SHISAL2B: variants seen among roughly 807,000 people sequenced by gnomAD.
SHISAL2B encodes the protein shisa like 2B.
A neutral mutation model predicts 16.5 loss-of-function variants in SHISAL2B; 12 were observed. The ratio of observed to expected loss-of-function variants is 0.73; its 90% confidence interval spans 0.47 to 1.18. The LOEUF is 1.18. Among genes scored for constraint, SHISAL2B ranks in the 50% most tolerant of loss-of-function variants. The pLI, the probability that SHISAL2B is intolerant of heterozygous loss-of-function variation, is 0.00. For synonymous variants in SHISAL2B, 72 were observed against 75.0 expected (o/e 0.96, Z 0.21); for missense variants, 183 against 193.6 (o/e 0.95, Z 0.33).
chr5:64,704,579 A>G (rs1053698988), intron 2 of SHISAL2B, among the ~76,000 whole-genome samples: 2 of 152,230 alleles, frequency 1.3e-5, no homozygotes, highest in African/African-American at 2.4e-5. Context: ...GTGATGTCGA[A>G]TCTTGGCAAT....
At chr5:64,695,471 T>A (rs1358035147) in intron 1 of SHISAL2B, 36 bp from the exon 2 acceptor site, 2 of 1,483,316 alleles carry the variant, frequency 1.3e-6, no homozygotes, top group South Asian at 1.3e-5. Flanking sequence ...TGTGAACCAC[T>A]TTGTGTGACA....
At chr5:64,700,811 T>C (rs2112061778) in intron 2 of SHISAL2B, among the ~76,000 whole-genome samples, 1 of 152,220 alleles carries the variant, frequency 6.6e-6, no homozygotes, top group Admixed American at 6.5e-5. Flanking sequence ...GAGGGATGGT[T>C]TTGGGGTGAA....
intron 2 of SHISAL2B, among the ~76,000 whole-genome samples, chr5:64,710,080 C>CT (rs1362466306): frequency 1.4e-5 from 2 of 145,690 alleles, no homozygotes; most frequent in Non-Finnish European, 3.0e-5. Flanking sequence ...GTTGCCATTG[C>CT]TTTTGGTGTT....
chr5:64,696,063 C>T (rs1020322926), intron 2 of SHISAL2B, among the ~76,000 whole-genome samples: 1 of 152,192 alleles, frequency 6.6e-6, no homozygotes, highest in African/African-American at 2.4e-5. Flanking sequence ...AGCAGAGGAA[C>T]ATAAATTGTG....
At chr5:64,717,500 A>G (rs1742074119) in intron 2 of SHISAL2B, among the ~76,000 whole-genome samples, 1 of 152,200 alleles carries the variant, frequency 6.6e-6, no homozygotes. Context: ...TAAATCAGTT[A>G]TAATGGCAAA....
At chr5:64,695,264 C>CAAAAAAAAAAAA (rs33996841) in intron 1 of SHISAL2B, among the ~76,000 whole-genome samples, 1 of 130,620 alleles carries the variant, frequency 7.7e-6, no homozygotes. Context: ...GACACCATCT[C>CAAAAAAAAAAAA]AAAAAAAAAA....
At chr5:64,712,370 G>C (rs2112072001) in intron 2 of SHISAL2B, among the ~76,000 whole-genome samples, 1 of 152,246 alleles carries the variant, frequency 6.6e-6, no homozygotes, top group East Asian at 1.9e-4. Context: ...TATTAATCCT[G>C]AGTTCTAGTT....
At chr5:64,715,682 A>G (rs906590406) in intron 2 of SHISAL2B, among the ~76,000 whole-genome samples, 1 of 152,244 alleles carries the variant, frequency 6.6e-6, no homozygotes, top group Non-Finnish European at 1.5e-5. Flanking sequence ...TGATAGTGTT[A>G]TGTGTAAGTG....
At chr5:64,705,228 A>C (rs1741859616) in intron 2 of SHISAL2B, among the ~76,000 whole-genome samples, 1 of 152,212 alleles carries the variant, frequency 6.6e-6, no homozygotes, top group African/African-American at 2.4e-5. Flanking sequence ...GGGAGTAAAC[A>C]AGTTAGATAA....
chr5:64,715,817 G>A (rs879774879), intron 2 of SHISAL2B, among the ~76,000 whole-genome samples: 5 of 151,962 alleles, frequency 3.3e-5, no homozygotes, highest in Non-Finnish European at 7.4e-5. Flanking sequence ...AAGTTAAATG[G>A]CTGCATGATA....
chr5:64,717,745 A>G (rs575082308), intron 2 of SHISAL2B, 144 bp from the exon 3 acceptor site: 1 of 618,150 alleles, frequency 1.6e-6, no homozygotes, highest in South Asian at 2.8e-5. Context: ...CCACTTCAAA[A>G]TAACTCAATT....
chr5:64,695,738 TACTGTTA>T (rs1741723842), intron 2 of SHISAL2B, 74 bp downstream of exon 2: 1 of 1,127,338 alleles, frequency 8.9e-7, no homozygotes, highest in East Asian at 2.7e-5. Context: ...TGGGTGATAA[TACTGTTA>T]ACAATGAATG....
intron 1 of SHISAL2B, among the ~76,000 whole-genome samples, 166 bp from the exon 2 acceptor site, chr5:64,695,341 T>C (rs1285517895): frequency 6.6e-6 from 1 of 151,960 alleles, no homozygotes; most frequent in Non-Finnish European, 1.5e-5. Context: ...AATTTGGTGG[T>C]GGATAAAGGT....
rs1465010259 is a variant in SHISAL2B, at chr5:64,712,660, A to C, written c.350-5229A>C. Among the ~76,000 whole-genome samples, 5 of 151,844 alleles carry C rather than the reference A, an allele frequency of 3.3e-5. No individual in the cohort carries two copies. The South Asian group carries it at 6.3e-4, about 19-fold the overall frequency. ...GGGGTGTTAAAGTCTCCCATTATTA[A>C]TGTGTGGGAGTCTAAATCTCTTTGT... is the stretch of plus-strand genomic sequence containing the variant. On this transcript the variant is annotated intron_variant, in intron 2 of 2. Coordinates refer to ENST00000389074, the MANE Select transcript of SHISAL2B (RefSeq NM_001164442.2).
At chr5:64,717,276 TA>T (rs1331744716) in intron 2 of SHISAL2B, among the ~76,000 whole-genome samples, 1 of 152,222 alleles carries the variant, frequency 6.6e-6, no homozygotes, top group African/African-American at 2.4e-5. Flanking sequence ...TGTTATTTTC[TA>T]TTGGTGAAAT....
At chr5:64,697,832 A>C (rs1741759421) in intron 2 of SHISAL2B, among the ~76,000 whole-genome samples, 1 of 152,198 alleles carries the variant, frequency 6.6e-6, no homozygotes, top group African/African-American at 2.4e-5. Flanking sequence ...AAAACTTCTC[A>C]TATTATGGGG....
intron 2 of SHISAL2B, among the ~76,000 whole-genome samples, chr5:64,701,112 C>T (rs746582108): frequency 2.6e-5 from 4 of 152,164 alleles, no homozygotes; most frequent in Admixed American, 6.5e-5. Flanking sequence ...TGTAAATGCT[C>T]TGTAAGTAGT....
intron 2 of SHISAL2B, among the ~76,000 whole-genome samples, chr5:64,708,981 G>A (rs1226042652): frequency 6.6e-6 from 1 of 151,278 alleles, no homozygotes; most frequent in Admixed American, 6.6e-5. Context: ...TCAATACCAT[G>A]CATGTTTCAG....
chr5:64,711,060 AC>A (rs1457653423), intron 2 of SHISAL2B, among the ~76,000 whole-genome samples: 1 of 139,462 alleles, frequency 7.2e-6, no homozygotes, highest in Non-Finnish European at 1.5e-5. Flanking sequence ...CCTGGCCAGA[AC>A]TTCCAACACT....
Sources: allele counts gnomAD v4.1 joint callset (sites outside exome capture counted in the v4.1 genomes callset), GRCh38; gene constraint gnomAD v4.1.1; transcripts MANE v1.5; gene names NCBI Gene and HGNC (gene_info 2026-07-23, HGNC 2026-07-21).